Variants in ITGAV observed in about 807,000 individuals in gnomAD.
The protein encoded by ITGAV is integrin subunit alpha V.
A neutral mutation model predicts 143.8 loss-of-function variants in ITGAV; 76 were observed. The ratio of observed to expected loss-of-function variants is 0.53; its 90% CI spans 0.44 to 0.64. The LOEUF is 0.64. Ranked by LOEUF, ITGAV falls within the 30% of genes least tolerant of loss-of-function variation. The pLI, the probability that ITGAV is intolerant of heterozygous loss-of-function variation, is 0.00. For missense variants in ITGAV, 1,193 were observed against 1,274.7 expected (o/e 0.94, Z 0.98); for synonymous variants, 453 against 446.7 (o/e 1.01, Z -0.18).
Position 186,622,533 on chromosome 2 carries a change from AG to A in ITGAV, c.408+106del, listed in dbSNP as rs1687558459. ...CTGATAGTAAAATTCAGTATGCTCA[AG>A]GGCACAGGGTATAACAACATAAGAT... On this transcript the variant is annotated intron_variant, in intron 3 of 29. Transcript: ENST00000261023. 57 of 764,016 alleles carry A rather than the reference AG, an allele frequency of 7.5e-5. 1 individual carries two copies. In the South Asian group the frequency reaches 8.6e-4, roughly 12 times the overall value. The allele number at this position is 764,016 out of a possible 1,614,324, so 47.3% of individuals were successfully genotyped here. A position where few individuals can be genotyped will look rare whatever the true frequency, so the allele number is the denominator to read the frequency against.
intron 2 of ITGAV, among the ~76,000 whole-genome samples, chr2:186,611,154 C>T (rs889833732): frequency 6.6e-6 from 1 of 152,030 alleles, no homozygotes; most frequent in East Asian, 1.9e-4. Flanking sequence ...CTGCATTACT[C>T]GAACATTGAC....
chr2:186,669,234 G>A (rs538545981), intron 25 of ITGAV, among the ~76,000 whole-genome samples: 10 of 152,174 alleles, frequency 6.6e-5, no homozygotes, highest in African/African-American at 2.2e-4. Flanking sequence ...CACATCAAGG[G>A]TGTTTTGTTG....
intron 2 of ITGAV, among the ~76,000 whole-genome samples, chr2:186,617,238 A>G (rs1182026346): frequency 6.6e-6 from 1 of 152,176 alleles, no homozygotes; most frequent in African/African-American, 2.4e-5. Flanking sequence ...GTTCCAAGGG[A>G]TATTCTTTTG....
At chr2:186,601,955 T>TAA in intron 1 of ITGAV, 66 bp from the exon 2 acceptor site, 1 of 1,489,554 alleles carries the variant, frequency 6.7e-7, no homozygotes, top group Non-Finnish European at 9.1e-7. Context: ...TTGCTCCTCA[T>TAA]AAATCAGAAG....
intron 26 of ITGAV, among the ~76,000 whole-genome samples, chr2:186,673,713 G>T (rs1046681528): frequency 6.6e-6 from 1 of 151,582 alleles, no homozygotes; most frequent in Admixed American, 6.6e-5. Flanking sequence ...TGTTGTCCAG[G>T]CTGGAGTGCA....
At chr2:186,637,345 G>A (rs1021347726) in intron 8 of ITGAV, among the ~76,000 whole-genome samples, 17 of 151,670 alleles carry the variant, frequency 1.1e-4, no homozygotes, top group South Asian at 2.1e-4. Flanking sequence ...AGCCGGGCGC[G>A]GTGATGCACA....
chr2:186,673,869 C>G (rs2105753013), intron 26 of ITGAV, among the ~76,000 whole-genome samples: 1 of 152,092 alleles, frequency 6.6e-6, no homozygotes, highest in East Asian at 1.9e-4. Flanking sequence ...CAGGTTTCAC[C>G]ATGTTGGTCA....
rs563878156 is a variant in ITGAV, at chr2:186,609,826, T to A, written c.316+7675T>A. Among the ~76,000 whole-genome samples, 27 of 152,198 alleles carry A rather than the reference T, an allele frequency of 1.8e-4. 1 individual carries two copies. Among genetic ancestry groups the A allele is most frequent in the Middle Eastern group, 3.4e-3 (1 of 294 alleles). On this transcript the variant is annotated intron_variant, in intron 2 of 29. Transcript: ENST00000261023. The stretch of plus-strand genomic sequence containing the variant: ...TATATGTATGTGGGCATAAGGGTTA[T>A]ACGTGTGTGGTGGTGGGGTTATGGT...
intron 2 of ITGAV, among the ~76,000 whole-genome samples, chr2:186,620,200 C>T (rs115272668): frequency 0.02 from 3,099 of 152,248 alleles, 60 homozygotes; most frequent in Middle Eastern, 0.034. Flanking sequence ...TTACGGGTGC[C>T]TATACTATTT....
At chr2:186,636,039 T>C in intron 6 of ITGAV, 43 bp from the exon 7 acceptor site, 1 of 1,559,752 alleles carries the variant, frequency 6.4e-7, no homozygotes, top group Non-Finnish European at 8.7e-7. Flanking sequence ...TCATAAAGTT[T>C]CCATTTGAAG....
At chr2:186,624,946 T>A (rs964942237) in intron 3 of ITGAV, among the ~76,000 whole-genome samples, 32 of 19,930 alleles carry the variant, frequency 1.6e-3, no homozygotes, top group Admixed American at 6.8e-3. Flanking sequence ...TTTTGCTAAC[T>A]ATTTTGAAAA....
At chr2:186,631,093 A>G (rs1687804028) in intron 5 of ITGAV, among the ~76,000 whole-genome samples, 1 of 152,204 alleles carries the variant, frequency 6.6e-6, no homozygotes, top group African/African-American at 2.4e-5. Context: ...AATGGAGGAA[A>G]GTAGACACTC....
At chr2:186,594,770 C>G (rs3754584) in intron 1 of ITGAV, among the ~76,000 whole-genome samples, 10,876 of 152,232 alleles carry the variant, frequency 0.071, 414 homozygotes, top group South Asian at 0.11. Context: ...CATTTTAACC[C>G]TTTTCACAAC....
chr2:186,649,869 C>T lies in ITGAV; in HGVS notation c.1381C>T (p.Arg461Ter), dbSNP rs1688374750. 1 of 1,568,662 alleles carries T rather than the reference C, an allele frequency of 6.4e-7. No homozygotes were observed. The highest frequency in any genetic ancestry group is 8.6e-7 in the Non-Finnish European group (1 of 1,157,236). Residue 461 changes from arginine to a stop codon, truncating the protein, a stop_gained, in exon 14 of 30, where the codon CGA becomes TGA. Coordinates refer to ENST00000261023, the MANE Select transcript of ITGAV (RefSeq NM_002210.5). LOFTEE classifies it high-confidence loss of function. ...DLIVGAFGVDRAILYRARPVI... is the reference protein window; with the variant it reads ...DLIVGAFGVD ...AATTGTAGGAGCTTTTGGTGTAGAT[C>T]GAGCTATCTTATACAGGTGAGCATT...
chr2:186,619,850 G>A (rs1209095897), intron 2 of ITGAV, among the ~76,000 whole-genome samples: 1 of 152,048 alleles, frequency 6.6e-6, no homozygotes, highest in East Asian at 1.9e-4. Flanking sequence ...AAATTAGCTG[G>A]GCGTGGTGGC....
intron 6 of ITGAV, 96 bp from the exon 7 acceptor site, chr2:186,635,986 C>G: frequency 1.0e-6 from 1 of 981,526 alleles, no homozygotes; most frequent in Non-Finnish European, 1.5e-6. Context: ...GTACTAATAT[C>G]TAATATTGTT....
Position 186,664,526 on chromosome 2 carries a change from A to G in ITGAV, c.1958A>G (p.Asn653Ser), listed in dbSNP as rs1490538676. The G allele has an allele frequency of 4.3e-6, 7 of 1,614,002 alleles. No individual in the cohort carries two copies. The highest frequency in any genetic ancestry group is 1.6e-4 in the Middle Eastern group (1 of 6,062). Residue 653 changes from asparagine to serine, a missense_variant, in exon 20 of 30, where the codon AAC becomes AGC. Coordinates refer to ENST00000261023, the MANE Select transcript of ITGAV (RefSeq NM_002210.5). ...AAGAAGATCTATATTGGGGATGACA[A>G]CCCTCTGACATTGATTGTTAAGGCT... ...DQKKIYIGDD[N>S]PLTLIVKAQN...
chr2:186,641,332 C>T, intron 11 of ITGAV, 54 bp from the exon 12 acceptor site: 1 of 1,398,724 alleles, frequency 7.1e-7, no homozygotes, highest in Admixed American at 1.7e-5. Context: ...AAGAAAATGC[C>T]TACTAAGACA....
At chr2:186,665,899 G>A (rs1688885169) in intron 21 of ITGAV, among the ~76,000 whole-genome samples, 1 of 152,142 alleles carries the variant, frequency 6.6e-6, no homozygotes, top group Non-Finnish European at 1.5e-5. Context: ...CAAGTCATTA[G>A]TATTTCTAGA....
Sources: gnomAD v4.1 joint callset for allele counts (sites outside exome capture counted in the v4.1 genomes callset) on GRCh38, gnomAD v4.1.1 for gene constraint, MANE v1.5 for transcripts, NCBI Gene and HGNC (gene_info 2026-07-23, HGNC 2026-07-21) for gene names.